UST: variants seen among roughly 807,000 people sequenced by gnomAD.
UST encodes the protein chondroitin sulfate 2-O-sulfotransferase.
In UST, 21 loss-of-function variants were observed where a neutral mutation model predicts 45.6. The ratio of observed to expected loss-of-function variants is 0.46; its 90% CI spans 0.33 to 0.66. The LOEUF (loss-of-function observed/expected upper bound fraction) is 0.66, where lower values mean the gene tolerates loss of function less well. Among genes scored for constraint, UST ranks in the 30% least tolerant of loss-of-function variants. The probability of loss-of-function intolerance (pLI) is 0.02; values close to 1 mark genes in which losing one functional copy is unlikely to be tolerated. For missense variants in UST, 463 were observed against 512.4 expected (o/e 0.90, Z 0.93); for synonymous variants, 215 against 200.6 (o/e 1.07, Z -0.61).
chr6:148,998,059 A>T (rs1781484704), intron 5 of UST, among the ~76,000 whole-genome samples: 1 of 152,250 alleles, frequency 6.6e-6, no homozygotes, highest in Non-Finnish European at 1.5e-5. Context: ...ATGTGAAAGA[A>T]AACGAAATTC....
In UST at chr6:148,761,269, G is replaced by C. The variant is rs541350060; in HGVS notation, c.247+13592G>C. The stretch of plus-strand genomic sequence containing the variant: ...CTCAGAACACAGCCAGTAAGCCATG[G>C]GCAGATCACAACAAACAGCACCCTG... On this transcript the variant is annotated intron_variant, in intron 1 of 7. Transcript: ENST00000367463. Among the ~76,000 whole-genome samples, 391 of 152,216 alleles carry C rather than the reference G, an allele frequency of 2.6e-3. 2 individuals carry two copies. Among genetic ancestry groups the C allele is most frequent in the Non-Finnish European group, 1.8e-3 (123 of 68,006 alleles).
chr6:149,006,309 T>G (rs1297256705), intron 5 of UST, among the ~76,000 whole-genome samples: 1 of 152,042 alleles, frequency 6.6e-6, no homozygotes, highest in Non-Finnish European at 1.5e-5. Flanking sequence ...ATTGTTCAGC[T>G]CCCACTTATA....
chr6:148,755,963 C>A (rs560860682), intron 1 of UST, among the ~76,000 whole-genome samples: 3 of 151,518 alleles, frequency 2.0e-5, no homozygotes, highest in East Asian at 3.9e-4. Context: ...CCCATTAACT[C>A]GTCATTTACA....
At chr6:148,897,009 G>A (rs1403153969) in intron 2 of UST, among the ~76,000 whole-genome samples, 2 of 152,106 alleles carry the variant, frequency 1.3e-5, no homozygotes, top group African/African-American at 4.8e-5. Flanking sequence ...CTGACACATG[G>A]TAGCACCCAG....
intron 5 of UST, among the ~76,000 whole-genome samples, chr6:149,014,440 A>G (rs549927687): frequency 6.6e-6 from 1 of 152,354 alleles, no homozygotes; most frequent in Admixed American, 6.5e-5. Context: ...ATGAGGTTCC[A>G]GACAGACCCC....
chr6:149,046,940 T>C (rs1776405489), intron 7 of UST, among the ~76,000 whole-genome samples: 1 of 152,252 alleles, frequency 6.6e-6, no homozygotes, highest in Admixed American at 6.5e-5. Context: ...GCCCATCTAG[T>C]GCCTACTGAT....
rs150405622 is a variant in UST at position 148,761,957 on chromosome 6, C to T, written c.247+14280C>T. ...ATGGAGAAACGATTCCAGAAAACCA[C>T]ATAAATATAAAAACCAAATGGCGCA... On this transcript the variant is annotated intron_variant, in intron 1 of 7. Coordinates refer to ENST00000367463, the MANE Select transcript of UST (RefSeq NM_005715.3). 2.3e-3 allele frequency among the ~76,000 whole-genome samples: 346 copies of T among 152,310 alleles called. 2 individuals are homozygous for T. Among genetic ancestry groups the T allele is most frequent in the African/African-American group, 7.9e-3 (328 of 41,568 alleles).
intron 7 of UST, among the ~76,000 whole-genome samples, chr6:149,061,262 A>G (rs1432704378): frequency 1.3e-5 from 2 of 152,174 alleles, no homozygotes; most frequent in Non-Finnish European, 2.9e-5. Context: ...ACAGATGAAG[A>G]GAGGTGGGAA....
chr6:148,828,613 G>T (rs1050439015), intron 1 of UST, among the ~76,000 whole-genome samples: 10 of 152,048 alleles, frequency 6.6e-5, no homozygotes, highest in Non-Finnish European at 1.5e-5. Context: ...GCACCACTTG[G>T]TTTCACTTTT....
intron 1 of UST, among the ~76,000 whole-genome samples, chr6:148,787,546 A>G (rs1054474472): frequency 6.6e-6 from 1 of 152,036 alleles, no homozygotes; most frequent in Non-Finnish European, 1.5e-5. Flanking sequence ...CCATAGGTCT[A>G]TGTGTCTGTT....
chr6:148,901,569 T>C (rs1416524120), intron 2 of UST, among the ~76,000 whole-genome samples: 1 of 151,512 alleles, frequency 6.6e-6, no homozygotes, highest in East Asian at 1.9e-4. Flanking sequence ...TTTTTTTTTT[T>C]TTTTTGAGAC....
At chr6:148,992,933 C>T (rs1781384029) in intron 5 of UST, 11 of 935,668 alleles carry the variant, frequency 1.2e-5, no homozygotes, top group Non-Finnish European at 1.4e-5. Flanking sequence ...TCATAAAATA[C>T]TTAGGATTAC....
At chr6:148,986,449 C>A (rs1781238429) in intron 5 of UST, among the ~76,000 whole-genome samples, 1 of 152,166 alleles carries the variant, frequency 6.6e-6, no homozygotes, top group African/African-American at 2.4e-5. Context: ...CTAATCGAGT[C>A]AATTTTTTAT....
chr6:149,061,601 C>G (rs891972778), intron 7 of UST, among the ~76,000 whole-genome samples: 2 of 152,256 alleles, frequency 1.3e-5, no homozygotes, highest in Non-Finnish European at 2.9e-5. Flanking sequence ...AAACCAGAAT[C>G]TGTGTGCAAT....
At chr6:148,770,958 A>T (rs1776414146) in intron 1 of UST, among the ~76,000 whole-genome samples, 1 of 152,260 alleles carries the variant, frequency 6.6e-6, no homozygotes, top group Non-Finnish European at 1.5e-5. Flanking sequence ...GATTAAAAAA[A>T]AAAGTTTGAC....
At chr6:148,977,799 C>G (rs1464439554) in intron 5 of UST, among the ~76,000 whole-genome samples, 2 of 151,568 alleles carry the variant, frequency 1.3e-5, no homozygotes, top group Non-Finnish European at 2.9e-5. Flanking sequence ...GTTCAGCCGT[C>G]CGCTACCCCC....
chr6:148,934,050 G>T lies in UST; in HGVS notation c.292-7229G>T, dbSNP rs904626339. 1.2e-4 allele frequency among the ~76,000 whole-genome samples: 19 copies of T among 152,174 alleles called. 1 individual carries two copies. Among genetic ancestry groups the T allele is most frequent in the Admixed American group, 1.2e-3 (18 of 15,276 alleles). ...AAGGCGTTTTCCAGATTATATCTTG[G>T]TAGCAATATGGACTGAAATTAATTT... On this transcript the variant is annotated intron_variant, in intron 2 of 7. Coordinates refer to ENST00000367463, the MANE Select transcript of UST (RefSeq NM_005715.3). This position sits in a 1 kb window ranked among gnomAD's most constrained non-coding sequence, Gnocchi z 4.1.
At chr6:148,766,553 A>G (rs1776327974) in intron 1 of UST, among the ~76,000 whole-genome samples, 1 of 152,198 alleles carries the variant, frequency 6.6e-6, no homozygotes. Flanking sequence ...CTGGAGGGAC[A>G]GAGAAGGACT....
chr6:149,007,408 C>T (rs1412825052), intron 5 of UST, among the ~76,000 whole-genome samples: 4 of 151,322 alleles, frequency 2.6e-5, no homozygotes, highest in African/African-American at 9.7e-5. Flanking sequence ...CTGCCTCAGC[C>T]TCCTGAGTAG....
Sources: allele counts gnomAD v4.1 joint callset (sites outside exome capture counted in the v4.1 genomes callset), GRCh38; gene constraint gnomAD v4.1.1; non-coding constraint Gnocchi (gnomAD v3.1); transcripts MANE v1.5; gene names NCBI Gene and HGNC (gene_info 2026-07-23, HGNC 2026-07-21).